Variants in CLHC1 observed in about 807,000 individuals in gnomAD.
The protein encoded by CLHC1 is clathrin heavy chain linker domain-containing protein 1.
In CLHC1, 72 loss-of-function variants were observed where a neutral mutation model predicts 69.5. That is an observed-to-expected ratio of 1.04 (90% CI 0.86 to 1.26). The LOEUF (loss-of-function observed/expected upper bound fraction) is 1.26, where lower values mean the gene tolerates loss of function less well. CLHC1 is among the 50% of genes most tolerant of loss of function. CLHC1 has a pLI of 0.00. For missense variants in CLHC1, 790 were observed against 679.3 expected, an observed-to-expected ratio of 1.16 and a Z score of -1.81; for synonymous variants, 223 against 224.3, an observed-to-expected ratio of 0.99 and a Z score of 0.05.
At chr2:55,179,615 C>A (rs1025633175) in intron 11 of CLHC1, among the ~76,000 whole-genome samples, 1 of 152,006 alleles carries the variant, frequency 6.6e-6, no homozygotes, top group Non-Finnish European at 1.5e-5. Context: ...GGATACATAG[C>A]CTGCAAATCA....
chr2:55,224,337 C>T, intron 2 of CLHC1: 3 of 459,922 alleles, frequency 6.5e-6, no homozygotes, highest in Non-Finnish European at 1.3e-5. Context: ...AACTCCACGC[C>T]TTGACAGCTC....
At chr2:55,205,383 T>G (rs1054822502) in intron 9 of CLHC1, among the ~76,000 whole-genome samples, 1 of 148,662 alleles carries the variant, frequency 6.7e-6, no homozygotes, top group Non-Finnish European at 1.5e-5. Context: ...CATCAAGGGA[T>G]GATTGGATAA....
At chr2:55,189,878 G>A (rs961153911) in intron 9 of CLHC1, among the ~76,000 whole-genome samples, 1 of 152,154 alleles carries the variant, frequency 6.6e-6, no homozygotes, top group Non-Finnish European at 1.5e-5. Flanking sequence ...CCTCAGGTAT[G>A]AGGTAGAATA....
At chr2:55,210,017 T>G (rs1672831579) in intron 5 of CLHC1, among the ~76,000 whole-genome samples, 186 bp from the exon 6 acceptor site, 1 of 152,086 alleles carries the variant, frequency 6.6e-6, no homozygotes, top group African/African-American at 2.4e-5. Flanking sequence ...GGTTATTTAT[T>G]TATTTATTTA....
chr2:55,181,411 G>A (rs1287530028), intron 10 of CLHC1, among the ~76,000 whole-genome samples, 159 bp downstream of exon 10: 1 of 152,192 alleles, frequency 6.6e-6, no homozygotes, highest in Non-Finnish European at 1.5e-5. Flanking sequence ...TTAGAGGCAT[G>A]AGCCACCACA....
intron 9 of CLHC1, 60 bp downstream of exon 9, chr2:55,206,205 CTATTT>C (rs940750458): frequency 1.7e-5 from 16 of 935,534 alleles, no homozygotes; most frequent in Non-Finnish European, 2.5e-5. Context: ...AATGCTTTTT[CTATTT>C]TATGAGAGAA....
chr2:55,188,298 A>C (rs1348991929), intron 9 of CLHC1, among the ~76,000 whole-genome samples: 1 of 152,184 alleles, frequency 6.6e-6, no homozygotes, highest in Non-Finnish European at 1.5e-5. Context: ...CCTAGGTGAC[A>C]GAGCAAGACC....
intron 9 of CLHC1, among the ~76,000 whole-genome samples, chr2:55,197,523 A>G (rs1034370557): frequency 2.6e-5 from 4 of 152,228 alleles, no homozygotes; most frequent in African/African-American, 4.8e-5. Context: ...CTAGATCACA[A>G]GGACTGCAAC....
intron 8 of CLHC1, among the ~76,000 whole-genome samples, chr2:55,208,415 T>C (rs1672644612): frequency 6.6e-6 from 1 of 152,218 alleles, no homozygotes; most frequent in Admixed American, 6.5e-5. Flanking sequence ...CACTATCTCA[T>C]GTCAGTGCTC....
intron 3 of CLHC1, among the ~76,000 whole-genome samples, chr2:55,220,269 T>C (rs895302224): frequency 2.0e-5 from 3 of 152,186 alleles, no homozygotes; most frequent in Non-Finnish European, 4.4e-5. Flanking sequence ...GACACTTTTA[T>C]CTTCTGCCCA....
rs1673137074 is a variant in CLHC1, at chr2:55,212,776, C to T, written c.396G>A (p.Lys132=). 1.2e-6 allele frequency: 2 copies of T among 1,603,162 alleles called. No individual in the cohort carries two copies. Among genetic ancestry groups the T allele is most frequent in the South Asian group, 2.2e-5 (2 of 90,888 alleles). The change falls in exon 5 of 13, where the codon AAG becomes AAA. Residue 132 remains lysine (K), a synonymous_variant. Transcript: ENST00000401408. ...KMRIIESNSS[K]IQSQIDHIKQ... is the part of the protein sequence containing the mutation. ...TGATGTGATCTATTTGAGATTGAAT[C>T]TTCGAGGAATTACTTTCGATAATCC...
Position 55,175,827 on chromosome 2 carries a change from T to A in CLHC1, c.1724A>T (p.Asp575Val). 1 of 1,613,902 alleles carries A rather than the reference T, an allele frequency of 6.2e-7. No individual in the cohort carries two copies. Among genetic ancestry groups the A allele is most frequent in the Non-Finnish European group, 8.5e-7 (1 of 1,179,844 alleles). ...QAAVTEISEE[D>V]DAVNLMEHVF... is the part of the protein sequence containing the mutation. ...ATGTTCCATTAGGTTGACTGCGTCATCCTCTTCAGAAATTTCTGTAACTGC... is the reference window on the plus strand; with the variant it reads ...ATGTTCCATTAGGTTGACTGCGTCAACCTCTTCAGAAATTTCTGTAACTGC... The change falls in exon 13 of 13, where the codon GAT becomes GTT. Residue 575 changes from aspartate (D) to valine (V), a missense_variant. Physicochemically the swap from Asp to Val is radical, Grantham distance 152 (BLOSUM62 -3). Transcript: ENST00000401408.
At chr2:55,214,804 G>T (rs928567440) in intron 4 of CLHC1, 4 of 152,086 alleles carry the variant, frequency 2.6e-5, no homozygotes, top group African/African-American at 7.2e-5. Flanking sequence ...CAATCCAAGT[G>T]TCCAAAAAAC....
Position 55,192,436 on chromosome 2 carries a change from T to C in CLHC1, c.1007-10692A>G, listed in dbSNP as rs1407257983. On this transcript the variant is annotated intron_variant, in intron 9 of 12. Transcript: ENST00000401408. ...GGCCTCAAATTGTATTTTTAAAAAG[T>C]AGGATCCAAGTATATGTTGCTTAGA... Among the ~76,000 whole-genome samples, 4 of 152,084 alleles carry C rather than the reference T, an allele frequency of 2.6e-5. No individual in the cohort carries two copies. The East Asian group carries it at 7.7e-4, about 29-fold the overall frequency.
intron 2 of CLHC1, chr2:55,224,196 A>G (rs1405957043): frequency 3.6e-6 from 1 of 275,832 alleles, no homozygotes; most frequent in African/African-American, 2.2e-5. Context: ...CTTACACACA[A>G]GGCTCAGTTC....
intron 2 of CLHC1, chr2:55,224,344 G>C (rs949490637): frequency 2.7e-4 from 123 of 451,838 alleles, no homozygotes; most frequent in Middle Eastern, 5.7e-4. Context: ...CGCCTTGACA[G>C]CTCCCTCCTG....
intron 9 of CLHC1, among the ~76,000 whole-genome samples, chr2:55,186,236 A>G (rs1412516790): frequency 6.6e-6 from 1 of 152,248 alleles, no homozygotes; most frequent in Non-Finnish European, 1.5e-5. Context: ...GAGACCAGGC[A>G]GAGACAAACA....
chr2:55,192,340 G>A lies in CLHC1; in HGVS notation c.1007-10596C>T, dbSNP rs569277409. ...TCACCATGTTGGCCAGGCTGGTCTC[G>A]AACTCCTGACCTCAAGTGATCCACC... On this transcript the variant is annotated intron_variant, in intron 9 of 12. Transcript: ENST00000401408. Among the ~76,000 whole-genome samples the A allele has an allele frequency of 8.5e-5, 13 of 152,130 alleles. No individual in the cohort carries two copies. In the South Asian group the frequency reaches 1.9e-3, roughly 22 times the overall value.
At chr2:55,185,467 C>A (rs1031298456) in intron 9 of CLHC1, among the ~76,000 whole-genome samples, 1 of 152,156 alleles carries the variant, frequency 6.6e-6, no homozygotes, top group Non-Finnish European at 1.5e-5. Flanking sequence ...GGTAGAAATA[C>A]CAAACTATTA....
Sources: allele counts gnomAD v4.1 joint callset (sites outside exome capture counted in the v4.1 genomes callset), GRCh38; gene constraint gnomAD v4.1.1; transcripts MANE v1.5; gene names NCBI Gene and HGNC (gene_info 2026-07-23, HGNC 2026-07-21).